ERN1: variants seen among roughly 807,000 people sequenced by gnomAD.
ERN1 encodes the protein endoplasmic reticulum to nucleus signaling 1.
Under a neutral mutation model 113.1 loss-of-function variants are expected in ERN1, and 39 were observed. That is an observed-to-expected ratio of 0.34 (90% CI 0.27 to 0.45). The LOEUF (loss-of-function observed/expected upper bound fraction) is 0.45. ERN1 is among the 20% of genes least tolerant of loss of function. The probability of loss-of-function intolerance (pLI) is 1.00; values close to 1 mark genes in which losing one functional copy is unlikely to be tolerated. For missense variants in ERN1, 976 were observed against 1,274.8 expected (o/e 0.77, Z 3.57); for synonymous variants, 507 against 515.9 (o/e 0.98, Z 0.23).
chr17:64,057,872 T>C lies in ERN1; in HGVS notation c.1328A>G (p.Asp443Gly), dbSNP rs1912924233. The change falls in exon 12 of 22, where the codon GAC (aspartate) becomes GGC (glycine). Residue 443 changes from aspartate (D) to glycine (G), a missense_variant. This residue lies in a region of ERN1 where 459 missense variants were observed against 581.2 expected (regional missense o/e 0.79). Transcript: ENST00000433197. The part of the protein sequence containing the change: ...PEAPVDSMLK[D>G]MATIILSTFL... ...GGTGCTCAGGATGATGGTAGCCATG[T>C]CCTTAAGCATGGAGTCCACGGGGGC... 1 of 1,613,962 alleles carries C rather than the reference T, an allele frequency of 6.2e-7. No individual in the cohort carries two copies. The highest frequency in any genetic ancestry group is 8.5e-7 in the Non-Finnish European group (1 of 1,179,862).
At chr17:64,068,720 T>C (rs535018761) in intron 6 of ERN1, among the ~76,000 whole-genome samples, 2 of 152,248 alleles carry the variant, frequency 1.3e-5, no homozygotes, top group Non-Finnish European at 2.9e-5. Flanking sequence ...GGGAGGCTGA[T>C]AAAAAGGTTG....
chr17:64,114,515 T>C (rs1204792535), intron 1 of ERN1, among the ~76,000 whole-genome samples: 1 of 152,128 alleles, frequency 6.6e-6, no homozygotes, highest in Non-Finnish European at 1.5e-5. Flanking sequence ...ATTTGTTGTG[T>C]TTGAGGACCC....
In ERN1 at chr17:64,047,982, T is replaced by C. The variant is rs1912565390; in HGVS notation, c.2405A>G (p.Asp802Gly). ...LDCLHPEKHE[D>G]VIARELIEKM... ...CTCTATCAATTCACGTGCAATGACG[T>C]CTTCTATAAAGGAGGAAAATAAGCA... The change falls in exon 19 of 22, where the codon GAC (aspartate) becomes GGC (glycine). Residue 802 changes from aspartate (D) to glycine (G), a missense_variant. Transcript: ENST00000433197. 1 of 1,610,926 alleles carries C rather than the reference T, an allele frequency of 6.2e-7. No homozygotes were observed. Among genetic ancestry groups the C allele is most frequent in the Non-Finnish European group, 8.5e-7 (1 of 1,177,898 alleles).
At chr17:64,052,636 T>C in intron 17 of ERN1, 144 bp downstream of exon 17, 1 of 647,014 alleles carries the variant, frequency 1.5e-6, no homozygotes, top group Non-Finnish European at 2.5e-6. Flanking sequence ...ACACAGAATG[T>C]TCACACAGAA....
intron 19 of ERN1, among the ~76,000 whole-genome samples, chr17:64,047,156 C>G (rs1208765738): frequency 1.3e-5 from 2 of 152,108 alleles, no homozygotes; most frequent in Non-Finnish European, 2.9e-5. Context: ...GTCCGGAGTT[C>G]AAGACCAGCC....
At chr17:64,070,589 C>T (rs1352491967) in intron 6 of ERN1, among the ~76,000 whole-genome samples, 3 of 152,278 alleles carry the variant, frequency 2.0e-5, no homozygotes, top group Non-Finnish European at 4.4e-5. Flanking sequence ...CCAGGAGAGC[C>T]CGGCCAGCTT....
rs1913741946 is a variant in ERN1 at position 64,080,755 on chromosome 17, G to A, written c.209+20C>T. On this transcript the variant is annotated intron_variant, in intron 3 of 21. Transcript: ENST00000433197. ...GAAGACTGAATTAAAGGGAAGTACT[G>A]AGCGAATCAGAAAACTTACTCTTCC... The A allele has an allele frequency of 6.2e-7, 1 of 1,606,918 alleles. No homozygotes were observed. The highest frequency in any genetic ancestry group is 8.5e-7 in the Non-Finnish European group (1 of 1,176,088).
intron 1 of ERN1, among the ~76,000 whole-genome samples, chr17:64,117,717 C>G (rs73330189): frequency 6.6e-6 from 1 of 152,278 alleles, no homozygotes; most frequent in African/African-American, 2.4e-5. Flanking sequence ...AGGCCCTATA[C>G]AAGACAGGTG....
intron 1 of ERN1, chr17:64,102,874 A>C: frequency 1.0e-6 from 1 of 985,282 alleles, no homozygotes. Context: ...AATTTGATTC[A>C]GTTTTAAAAC....
Position 64,054,008 on chromosome 17 carries a change from C to T in ERN1, c.1953+242G>A. The T allele has an allele frequency of 2.3e-6, 1 of 442,120 alleles. No individual in the cohort carries two copies. The highest frequency in any genetic ancestry group is 4.1e-6 in the Non-Finnish European group (1 of 243,448). 27.4% of individuals were successfully genotyped at this position (442,120 alleles called of 1,614,324 possible). A position where few individuals can be genotyped will look rare whatever the true frequency, so the allele number is the denominator to read the frequency against. The stretch of plus-strand genomic sequence containing the variant: ...AGGCTGGAGTGCAGTGGCACAATCA[C>T]TGCTTACTGCAGCCTTGATCTCCCA... On this transcript the variant is annotated intron_variant, in intron 15 of 21. Coordinates refer to ENST00000433197, the MANE Select transcript of ERN1 (RefSeq NM_001433.5). This position sits in a 1 kb window ranked among gnomAD's most constrained non-coding sequence, Gnocchi z 4.9.
At chr17:64,059,223 C>T (rs939909009) in intron 11 of ERN1, among the ~76,000 whole-genome samples, 5 of 152,160 alleles carry the variant, frequency 3.3e-5, no homozygotes, top group Admixed American at 6.5e-5. Flanking sequence ...TGGCTACTTC[C>T]GTAGATGATG....
At chr17:64,112,866 T>C (rs1411315529) in intron 1 of ERN1, among the ~76,000 whole-genome samples, 1 of 152,208 alleles carries the variant, frequency 6.6e-6, no homozygotes, top group Non-Finnish European at 1.5e-5. Flanking sequence ...ACACAGACTC[T>C]GAGGCCTGGT....
intron 17 of ERN1, among the ~76,000 whole-genome samples, chr17:64,051,292 G>A (rs908267021): frequency 2.0e-5 from 3 of 152,152 alleles, no homozygotes; most frequent in African/African-American, 7.2e-5. Context: ...CTAAACCACT[G>A]GGTGAGTGAC....
intron 2 of ERN1, among the ~76,000 whole-genome samples, chr17:64,090,368 G>A (rs1053385783): frequency 6.6e-5 from 10 of 152,302 alleles, no homozygotes; most frequent in Non-Finnish European, 1.0e-4. Flanking sequence ...AGTCTACTGC[G>A]TTCTCATTTA....
At position 64,054,362 on chromosome 17, in the gene ERN1, T is replaced by A. The variant is rs1490536500; in HGVS notation, c.1841A>T (p.Gln614Leu). ...GTGCTCATCCGATTCTCGCAACAGCTGGACCTCACGGTCTGCGAAGCTAAA... is the reference window on the plus strand; with the variant it reads ...GTGCTCATCCGATTCTCGCAACAGCAGGACCTCACGGTCTGCGAAGCTAAA... ...ECFSFADREV[Q>L]LLRESDEHPN... is the part of the protein sequence containing the mutation. The change falls in exon 15 of 22, where the codon CAG (glutamine) becomes CTG (leucine). Residue 614 changes from glutamine to leucine, a missense_variant. Gln to Leu is a moderately radical substitution (Grantham distance 113). Around this residue, in one of 5 missense-constraint regions of ERN1, gnomAD observed 297 missense variants for 457.8 expected, o/e 0.65. Transcript: ENST00000433197. This position sits in a 1 kb window ranked among gnomAD's most constrained non-coding sequence, Gnocchi z 4.9. 6.2e-7 allele frequency: 1 copy of A among 1,611,288 alleles called. No homozygotes were observed. Among genetic ancestry groups the A allele is most frequent in the Admixed American group, 1.7e-5 (1 of 59,686 alleles).
intron 2 of ERN1, among the ~76,000 whole-genome samples, chr17:64,082,113 A>G (rs780681183): frequency 3.3e-5 from 5 of 152,180 alleles, no homozygotes; most frequent in Admixed American, 6.5e-5. Flanking sequence ...GATGAAGGAA[A>G]ATCTTTTAAG....
At position 64,060,502 on chromosome 17, in the gene ERN1, A is replaced by T. The variant is rs369659187; in HGVS notation, c.1173T>A (p.Ile391=). The T allele has an allele frequency of 4.5e-5, 73 of 1,613,680 alleles. 1 individual carries two copies. The highest frequency in any genetic ancestry group is 6.0e-5 in the Non-Finnish European group (71 of 1,179,704). The part of the protein sequence containing the change: ...NNLPKHRENV[I]PADSEKKSFE... Reference sequence around the variant, plus strand: ...AGCTCTTTTTCTCTGAATCAGCAGGAATCACATTTTCCCGATGTTTGGGTA... The same window carrying T: ...AGCTCTTTTTCTCTGAATCAGCAGGTATCACATTTTCCCGATGTTTGGGTA... The change falls in exon 11 of 22, where the codon ATT becomes ATA. Residue 391 remains isoleucine (I), a synonymous_variant. Transcript: ENST00000433197.
intron 1 of ERN1, among the ~76,000 whole-genome samples, chr17:64,106,576 T>C (rs970367050): frequency 6.6e-6 from 1 of 152,112 alleles, no homozygotes; most frequent in Admixed American, 6.6e-5. Flanking sequence ...GGGTTAATAA[T>C]GAGTAATGGC....
chr17:64,100,789 A>G (rs930925409), intron 1 of ERN1, among the ~76,000 whole-genome samples: 6 of 152,130 alleles, frequency 3.9e-5, no homozygotes, highest in Non-Finnish European at 5.9e-5. Context: ...CTCAATAAAT[A>G]AATAAATAAA....
Sources: gnomAD v4.1 joint callset for allele counts (sites outside exome capture counted in the v4.1 genomes callset) on GRCh38, gnomAD v4.1.1 for gene constraint, gnomAD v4.1.1 regional missense constraint, Gnocchi (gnomAD v3.1) non-coding constraint, MANE v1.5 for transcripts, NCBI Gene and HGNC (gene_info 2026-07-23, HGNC 2026-07-21) for gene names.